Variants in OXNAD1 observed in about 807,000 individuals in gnomAD.
The protein encoded by OXNAD1 is oxidoreductase NAD-binding domain-containing protein 1.
Under a neutral mutation model 32.9 loss-of-function variants are expected in OXNAD1, and 34 were observed. That is an observed-to-expected ratio of 1.03 (90% CI 0.79 to 1.38). The LOEUF is 1.38. Ranked by LOEUF, OXNAD1 falls within the 40% of genes most tolerant of loss-of-function variation. The pLI, the probability that OXNAD1 is intolerant of heterozygous loss-of-function variation, is 0.00. For missense variants in OXNAD1, 407 were observed against 379.4 expected (o/e 1.07, Z -0.60); for synonymous variants, 134 against 135.2 (o/e 0.99, Z 0.06).
rs2067505302 is a variant in OXNAD1 at position 16,305,748 on chromosome 3, C to T, written c.*2186C>T. On this transcript the variant is annotated 3_prime_UTR_variant, in exon 9 of 9. Transcript: ENST00000285083. The surrounding 1 kb of genome is among the most constrained non-coding windows in gnomAD (Gnocchi z 4.5). ...GAGCAAGTCACTTAACTGCTCTATG[C>T]CTCATTTAAAATTACATACAACTAC... The T allele has an allele frequency of 6.6e-6, 1 of 152,174 alleles. No individual in the cohort carries two copies. The highest frequency in any genetic ancestry group is 2.4e-5 in the African/African-American group (1 of 41,422). The allele number at this position is 152,174 out of a possible 1,614,324, so 9.4% of individuals were successfully genotyped here. A position where few individuals can be genotyped will look rare whatever the true frequency, so the allele number is the denominator to read the frequency against.
rs765845834 is a variant in OXNAD1, at chr3:16,329,204, C to T, written c.*31-7908C>T. ...CGGGATGACGCAGCAAGAAGGCCCT[C>T]ACAAGATGCCAGGCCCTCGACCTTG... On this transcript the variant is annotated intron_variant, in intron 9 of 9. Transcript: ENST00000435829. This position sits in a 1 kb window ranked among gnomAD's most constrained non-coding sequence, Gnocchi z 4.5. Among the ~76,000 whole-genome samples the T allele has an allele frequency of 4.6e-5, 7 of 152,234 alleles. No individual in the cohort carries two copies. Among genetic ancestry groups the T allele is most frequent in the Non-Finnish European group, 8.8e-5 (6 of 68,040 alleles).
rs11923948 is a variant in OXNAD1 at position 16,336,675 on chromosome 3, T to G, written c.*31-437T>G. Among the ~76,000 whole-genome samples the G allele has an allele frequency of 6.6e-6, 1 of 151,660 alleles. No homozygotes were observed. The highest frequency in any genetic ancestry group is 1.5e-5 in the Non-Finnish European group (1 of 67,896). ...TTCAAAGAGAATAATTTTTTTTTTTTAAAAAAGCTTAGTTCTTAGATGCAG... is the reference window on the plus strand; with the variant it reads ...TTCAAAGAGAATAATTTTTTTTTTTGAAAAAAGCTTAGTTCTTAGATGCAG... On this transcript the variant is annotated intron_variant, in intron 9 of 9. Coordinates refer to the OXNAD1 transcript ENST00000435829. The surrounding 1 kb of genome is among the most constrained non-coding windows in gnomAD (Gnocchi z 6.0).
intron 9 of OXNAD1, among the ~76,000 whole-genome samples, chr3:16,343,850 G>A (rs1365460217): frequency 6.6e-6 from 1 of 152,224 alleles, no homozygotes; most frequent in Non-Finnish European, 1.5e-5. Flanking sequence ...AAGGTGAAAT[G>A]TGGTTGTTTC....
chr3:16,302,664 G>A lies in OXNAD1; in HGVS notation c.700G>A (p.Glu234Lys). The change falls in exon 8 of 9, where the codon GAA becomes AAA. Residue 234 changes from glutamate to lysine, a missense_variant. Coordinates refer to ENST00000285083, the MANE Select transcript of OXNAD1 (RefSeq NM_138381.5). The surrounding 1 kb of genome is among the most constrained non-coding windows in gnomAD (Gnocchi z 4.2). ...GAAAAATATCCTTGATTTAGTAAAT[G>A]AATTTCCTGAGAAGATTGCATGCAG... Reference protein sequence around the residue: ...FKKNILDLVNEFPEKIACSLH... With the variant: ...FKKNILDLVNKFPEKIACSLH... The A allele has an allele frequency of 6.2e-7, 1 of 1,612,206 alleles. No individual in the cohort carries two copies. The highest frequency in any genetic ancestry group is 8.5e-7 in the Non-Finnish European group (1 of 1,178,762).
chr3:16,324,479 T>C (rs509464), intron 9 of OXNAD1, among the ~76,000 whole-genome samples: 86,071 of 151,870 alleles, frequency 0.57, 24,431 homozygotes, highest in African/African-American at 0.61. Flanking sequence ...TTCTACTCTC[T>C]GCTTCTATGA....
chr3:16,308,143 T>C (rs112265352), downstream of OXNAD1, among the ~76,000 whole-genome samples: 97 of 152,320 alleles, frequency 6.4e-4, no homozygotes, highest in African/African-American at 2.1e-3. This position sits in a 1 kb window ranked among gnomAD's most constrained non-coding sequence, Gnocchi z 4.4. Flanking sequence ...TTTGTAAGTC[T>C]AAGTGATAAA....
chr3:16,310,991 CAAAA>C (rs1003070321), downstream of OXNAD1, among the ~76,000 whole-genome samples: 8 of 57,558 alleles, frequency 1.4e-4, no homozygotes, highest in East Asian at 8.5e-4. Flanking sequence ...ACTCAGTCTC[CAAAA>C]AAAAAAAAAA....
At chr3:16,325,236 A>T (rs1421764728) in intron 9 of OXNAD1, among the ~76,000 whole-genome samples, 1 of 152,200 alleles carries the variant, frequency 6.6e-6, no homozygotes, top group African/African-American at 2.4e-5. Context: ...CTTTTATAGA[A>T]GGAAACAAAA....
At position 16,270,956 on chromosome 3, in the gene OXNAD1, G is replaced by A; in HGVS notation, c.4G>A (p.Ala2Thr). 6.2e-7 allele frequency: 1 copy of A among 1,614,050 alleles called. No individual in the cohort carries two copies. Among genetic ancestry groups the A allele is most frequent in the Non-Finnish European group, 8.5e-7 (1 of 1,179,992 alleles). The change falls in exon 3 of 9, where the codon GCC becomes ACC. Residue 2 changes from alanine to threonine, a missense_variant. Ala to Thr is a moderately conservative substitution (Grantham distance 58). Coordinates refer to ENST00000285083, the MANE Select transcript of OXNAD1 (RefSeq NM_138381.5). M[A>T]CAAVMIPGLL... ...TTCTGTTTGCCCAGAAAGCGCCATGGCCTGTGCTGCTGTTATGATTCCTGG... is the reference window on the plus strand; with the variant it reads ...TTCTGTTTGCCCAGAAAGCGCCATGACCTGTGCTGCTGTTATGATTCCTGG...
chr3:16,327,477 C>T lies in OXNAD1; in HGVS notation c.*31-9635C>T, dbSNP rs78912073. On this transcript the variant is annotated intron_variant, in intron 9 of 9. Transcript: ENST00000435829. This position sits in a 1 kb window ranked among gnomAD's most constrained non-coding sequence, Gnocchi z 4.2. ...GTCTTTCAGTTAAAAAACTCAGCCC[C>T]GGCCGGGTGCTGTGGCTCACGTCTG... Among the ~76,000 whole-genome samples the T allele has an allele frequency of 0.019, 2,908 of 152,232 alleles. 79 individuals carry two copies. Among genetic ancestry groups the T allele is most frequent in the East Asian group, 0.11 (576 of 5,176 alleles).
rs987024608 is a variant in OXNAD1, at chr3:16,322,142, C to T, written c.*31-14970C>T. Among the ~76,000 whole-genome samples the T allele has an allele frequency of 1.3e-5, 2 of 152,220 alleles. No individual in the cohort carries two copies. Among genetic ancestry groups the T allele is most frequent in the Non-Finnish European group, 2.9e-5 (2 of 68,044 alleles). ...GCTGAAACTGACAGCGCTCTGCAGCCGATCCATCTTCCAGCTGGTGGCTGC... is the reference window on the plus strand; with the variant it reads ...GCTGAAACTGACAGCGCTCTGCAGCTGATCCATCTTCCAGCTGGTGGCTGC... On this transcript the variant is annotated intron_variant, in intron 9 of 9. Transcript: ENST00000435829. This position sits in a 1 kb window ranked among gnomAD's most constrained non-coding sequence, Gnocchi z 6.2.
exon 10 of OXNAD1, chr3:16,349,697 C>T (rs1411316829): frequency 6.6e-6 from 1 of 152,258 alleles, no homozygotes; most frequent in Non-Finnish European, 1.5e-5. Flanking sequence ...GTCTAAGAGA[C>T]TGTGAAGTTT....
chr3:16,303,701 T>G lies in OXNAD1; in HGVS notation c.*139T>G. ...GCTATAAACTTAGTGACCAGCTGGA[T>G]AATAAAAGCCAGCTGGCAGACTTAA... On this transcript the variant is annotated 3_prime_UTR_variant, in exon 9 of 9. Coordinates refer to ENST00000285083, the MANE Select transcript of OXNAD1 (RefSeq NM_138381.5). This position sits in a 1 kb window ranked among gnomAD's most constrained non-coding sequence, Gnocchi z 4.8. The G allele has an allele frequency of 4.4e-6, 4 of 910,856 alleles. No individual in the cohort carries two copies. Among genetic ancestry groups the G allele is most frequent in the Non-Finnish European group, 6.2e-6 (4 of 647,192 alleles). The allele number at this position is 910,856 out of a possible 1,614,324, so 56.4% of individuals were successfully genotyped here.
At position 16,348,194 on chromosome 3, in the gene OXNAD1, G is replaced by C. The variant is rs1277361011; in HGVS notation, c.*31-982G>C. ...GCTCAGGAGCAGGGCTTTGCTAAGAGGCACAAGTGCTGCCTGTTTGAGGTG... is the reference window on the plus strand; with the variant it reads ...GCTCAGGAGCAGGGCTTTGCTAAGACGCACAAGTGCTGCCTGTTTGAGGTG... On this transcript the variant is annotated intron_variant, in intron 9 of 9. Coordinates refer to the OXNAD1 transcript ENST00000606098. The surrounding 1 kb of genome is among the most constrained non-coding windows in gnomAD (Gnocchi z 6.3). Among the ~76,000 whole-genome samples, 1 of 152,042 alleles carries C rather than the reference G, an allele frequency of 6.6e-6. No homozygotes were observed. The highest frequency in any genetic ancestry group is 1.5e-5 in the Non-Finnish European group (1 of 68,004).
chr3:16,343,578 A>G (rs1385950905), intron 9 of OXNAD1, among the ~76,000 whole-genome samples: 1 of 152,210 alleles, frequency 6.6e-6, no homozygotes, highest in Admixed American at 6.5e-5. Context: ...GGTGGAACCT[A>G]AGACTCTAAG....
intron 9 of OXNAD1, chr3:16,326,939 G>A: frequency 7.8e-7 from 1 of 1,281,274 alleles, no homozygotes; most frequent in Non-Finnish European, 1.1e-6. Context: ...GGCAATGAGA[G>A]GGGACTATTC....
intron 4 of OXNAD1, chr3:16,275,189 T>C (rs2065230727): frequency 6.0e-6 from 1 of 166,244 alleles, no homozygotes; most frequent in Admixed American, 6.2e-5. Flanking sequence ...GTTTGTTGTT[T>C]GTAGGTCAGG....
chr3:16,338,398 CT>C (rs2071065711), downstream of OXNAD1, among the ~76,000 whole-genome samples: 1 of 152,222 alleles, frequency 6.6e-6, no homozygotes. The surrounding 1 kb of genome is among the most constrained non-coding windows in gnomAD (Gnocchi z 5.3). Flanking sequence ...CACTGCAGTT[CT>C]GACTGTGGTT....
At chr3:16,325,475 T>C (rs2069599799) in intron 9 of OXNAD1, among the ~76,000 whole-genome samples, 1 of 152,236 alleles carries the variant, frequency 6.6e-6, no homozygotes, top group African/African-American at 2.4e-5. Context: ...AAATACATTC[T>C]GAGTCTTGTC....
Sources: allele counts gnomAD v4.1 joint callset (sites outside exome capture counted in the v4.1 genomes callset), GRCh38; gene constraint gnomAD v4.1.1; non-coding constraint Gnocchi (gnomAD v3.1); transcripts MANE v1.5; gene names NCBI Gene and HGNC (gene_info 2026-07-23, HGNC 2026-07-21).